Variants in KIAA1958 observed in about 807,000 individuals in gnomAD.
KIAA1958 encodes uncharacterized protein KIAA1958.
KIAA1958 carries 14 observed loss-of-function variants against 47.2 expected under a neutral mutation model. The observed-to-expected ratio is 0.30, with a 90% CI of 0.20 to 0.46. The LOEUF (loss-of-function observed/expected upper bound fraction) is 0.46. Among genes scored for constraint, KIAA1958 ranks in the 20% least tolerant of loss-of-function variants. The probability of loss-of-function intolerance (pLI) is 1.00; values close to 1 mark genes in which losing one functional copy is unlikely to be tolerated. For missense variants in KIAA1958, 803 were observed against 909.2 expected, an observed-to-expected ratio of 0.88 and a Z score of 1.50; for synonymous variants, 354 against 353.3, an observed-to-expected ratio of 1.00 and a Z score of -0.02.
chr9:112,663,561 C>T lies in KIAA1958; in HGVS notation c.*3492C>T, dbSNP rs1837313370. The T allele has an allele frequency of 6.6e-6, 1 of 152,106 alleles. No individual in the cohort carries two copies. The highest frequency in any genetic ancestry group is 2.4e-5 in the African/African-American group (1 of 41,400). 9.4% of individuals were successfully genotyped at this position (152,106 alleles called of 1,614,324 possible). Reference sequence around the variant, plus strand: ...ACACATTTTCGCCCATGAATTCTACCTCCAACACAGCCAAGCTCTGATACC... The same window carrying T: ...ACACATTTTCGCCCATGAATTCTACTTCCAACACAGCCAAGCTCTGATACC... On this transcript the variant is annotated 3_prime_UTR_variant, in exon 4 of 4. Coordinates refer to ENST00000337530, the MANE Select transcript of KIAA1958 (RefSeq NM_133465.4).
chr9:112,504,261 A>G lies in KIAA1958; in HGVS notation c.-25+17143A>G, dbSNP rs143586473. Among the ~76,000 whole-genome samples the G allele has an allele frequency of 1.9e-4, 28 of 149,672 alleles. No individual in the cohort carries two copies. In the East Asian group the frequency reaches 5.3e-3, roughly 28 times the overall value. On this transcript the variant is annotated intron_variant, in intron 1 of 3. Transcript: ENST00000337530. ...GAGTGCAGTGGTGCGATCTCGGCTC[A>G]CGGCAACCTCCACCTCCTGGGCTTA...
At chr9:112,617,938 C>G in intron 2 of KIAA1958, 2 of 1,550,496 alleles carry the variant, frequency 1.3e-6, no homozygotes, top group Non-Finnish European at 1.7e-6. Context: ...GCACGCAGAC[C>G]GCGCTCCGCA....
At chr9:112,490,438 CTT>C (rs1833949613) in intron 1 of KIAA1958, among the ~76,000 whole-genome samples, 1 of 152,136 alleles carries the variant, frequency 6.6e-6, no homozygotes, top group Non-Finnish European at 1.5e-5. Context: ...GATTTATGGA[CTT>C]TATTTACTAG....
intron 1 of KIAA1958, among the ~76,000 whole-genome samples, chr9:112,547,729 T>C (rs1403814049): frequency 6.6e-6 from 1 of 152,222 alleles, no homozygotes; most frequent in Non-Finnish European, 1.5e-5. Flanking sequence ...GGGGAAAATC[T>C]ACATTCTGTA....
chr9:112,537,556 T>C (rs1022812940), intron 1 of KIAA1958, among the ~76,000 whole-genome samples: 5 of 152,184 alleles, frequency 3.3e-5, no homozygotes, highest in Non-Finnish European at 5.9e-5. Flanking sequence ...ACATCATTAG[T>C]CATCAGGAAA....
At chr9:112,606,505 A>G (rs939179282) in intron 2 of KIAA1958, among the ~76,000 whole-genome samples, 1 of 152,232 alleles carries the variant, frequency 6.6e-6, no homozygotes, top group Non-Finnish European at 1.5e-5. Context: ...GCCCATCTCA[A>G]TGCATATATT....
intron 2 of KIAA1958, among the ~76,000 whole-genome samples, chr9:112,579,497 T>C (rs1835701761): frequency 6.6e-6 from 1 of 152,118 alleles, no homozygotes; most frequent in Non-Finnish European, 1.5e-5. Context: ...CAGCTTCATT[T>C]GTTGAATAAT....
At chr9:112,557,028 G>A (rs1055664048) in intron 1 of KIAA1958, among the ~76,000 whole-genome samples, 2 of 151,806 alleles carry the variant, frequency 1.3e-5, no homozygotes, top group Non-Finnish European at 2.9e-5. Flanking sequence ...GCCCAATCAT[G>A]GCTCACTGCA....
intron 1 of KIAA1958, among the ~76,000 whole-genome samples, chr9:112,544,736 A>G (rs886706723): frequency 1.8e-4 from 27 of 152,312 alleles, no homozygotes; most frequent in Middle Eastern, 3.4e-3. Context: ...GTTGGCTTTC[A>G]GTATACCGGA....
chr9:112,554,271 G>A (rs1161444082), intron 1 of KIAA1958, among the ~76,000 whole-genome samples: 1 of 152,090 alleles, frequency 6.6e-6, no homozygotes, highest in Non-Finnish European at 1.5e-5. Context: ...AGGCCGAGGC[G>A]GGCGGATCAC....
In KIAA1958 at chr9:112,665,159, A is replaced by G. The variant is rs1837337161; in HGVS notation, c.*5090A>G. The G allele has an allele frequency of 6.6e-6, 1 of 152,230 alleles. No homozygotes were observed. The highest frequency in any genetic ancestry group is 2.1e-4 in the South Asian group (1 of 4,834). The allele number at this position is 152,230 out of a possible 1,614,324, so 9.4% of individuals were successfully genotyped here. ...TTCCATTACTATTAATAGCAATTAGATAACTCTCCCTCCCCCCATTGAGGT... is the reference window on the plus strand; with the variant it reads ...TTCCATTACTATTAATAGCAATTAGGTAACTCTCCCTCCCCCCATTGAGGT... On this transcript the variant is annotated 3_prime_UTR_variant, in exon 4 of 4. Transcript: ENST00000337530.
chr9:112,657,020 T>C (rs867330630), intron 3 of KIAA1958, among the ~76,000 whole-genome samples: 29 of 152,308 alleles, frequency 1.9e-4, no homozygotes, highest in African/African-American at 5.5e-4. Context: ...ACTTTATAGG[T>C]CTTTTCAAAG....
intron 1 of KIAA1958, among the ~76,000 whole-genome samples, chr9:112,559,706 T>G (rs1660175268): frequency 6.6e-6 from 1 of 152,202 alleles, no homozygotes; most frequent in African/African-American, 2.4e-5. Flanking sequence ...CTTGGACAAT[T>G]CCATCAGGAG....
intron 1 of KIAA1958, among the ~76,000 whole-genome samples, chr9:112,521,963 T>TTATTTATTTATTTATG (rs1406537990): frequency 6.6e-6 from 1 of 150,414 alleles, no homozygotes; most frequent in South Asian, 2.1e-4. Context: ...TTAAATAACT[T>TTATTTATTTATTTATG]TATTTATTTA....
intron 1 of KIAA1958, among the ~76,000 whole-genome samples, chr9:112,503,818 T>G (rs1374087625): frequency 6.6e-6 from 1 of 151,888 alleles, no homozygotes; most frequent in Non-Finnish European, 1.5e-5. Context: ...TCCCTTCCAT[T>G]TTCCCTCCTT....
chr9:112,540,031 G>T (rs1834914765), intron 1 of KIAA1958, among the ~76,000 whole-genome samples: 1 of 152,142 alleles, frequency 6.6e-6, no homozygotes, highest in Non-Finnish European at 1.5e-5. Context: ...ATGTTTTAAT[G>T]AAGTTGTTAT....
chr9:112,574,862 G>A lies in KIAA1958; in HGVS notation c.782G>A (p.Ser261Asn), dbSNP rs559495244. The change falls in exon 2 of 4, where the codon AGC becomes AAC. Residue 261 changes from serine (S) to asparagine (N), a missense_variant. Around this residue, in one of 2 missense-constraint regions of KIAA1958, gnomAD observed 761 missense variants for 829.3 expected, o/e 0.92. Transcript: ENST00000337530. ...KLIPHVTSAISTELDPHGMSA... is the reference protein window; with the variant it reads ...KLIPHVTSAINTELDPHGMSA... ...ATTCCCCATGTCACATCTGCCATCA[G>A]CACGGAGCTAGACCCACACGGTATG... 6.2e-7 allele frequency: 1 copy of A among 1,614,118 alleles called. No homozygotes were observed. The highest frequency in any genetic ancestry group is 8.5e-7 in the Non-Finnish European group (1 of 1,180,026).
intron 2 of KIAA1958, among the ~76,000 whole-genome samples, chr9:112,578,210 T>C (rs570804012): frequency 1.3e-5 from 2 of 152,308 alleles, no homozygotes; most frequent in South Asian, 2.1e-4. Context: ...CTAACTAGAT[T>C]CTGTGTTCTA....
rs76024320 is a variant in KIAA1958, at chr9:112,667,738, C to T, written c.*7669C>T. 1 of 152,178 alleles carries T rather than the reference C, an allele frequency of 6.6e-6. No individual in the cohort carries two copies. Among genetic ancestry groups the T allele is most frequent in the Admixed American group, 6.5e-5 (1 of 15,280 alleles). The allele number at this position is 152,178 out of a possible 1,614,324, so 9.4% of individuals were successfully genotyped here. On this transcript the variant is annotated 3_prime_UTR_variant, in exon 4 of 4. Coordinates refer to ENST00000337530, the MANE Select transcript of KIAA1958 (RefSeq NM_133465.4). ...TATACATATTTTATATGTTAAGATA[C>T]ATAATTTTTTAGTTATGATAACCAT...
Sources: gnomAD v4.1 joint callset for allele counts (sites outside exome capture counted in the v4.1 genomes callset) on GRCh38, gnomAD v4.1.1 for gene constraint, gnomAD v4.1.1 regional missense constraint, MANE v1.5 for transcripts, NCBI Gene and HGNC (gene_info 2026-07-23, HGNC 2026-07-21) for gene names.